The following VSTM4 variants were observed in gnomAD, a reference collection of about 807,000 sequenced individuals.
VSTM4 encodes V-set and transmembrane domain containing 4.
In VSTM4, 20 loss-of-function variants were observed where a neutral mutation model predicts 36.4. The observed-to-expected ratio is 0.55, with a 90% CI of 0.39 to 0.80. VSTM4 has a LOEUF of 0.80. Ranked by LOEUF, VSTM4 falls within the 30% of genes least tolerant of loss-of-function variation. The pLI is 0.00. For synonymous variants in VSTM4, 182 were observed against 173.9 expected (o/e 1.05, Z -0.37); for missense variants, 392 against 404.5 (o/e 0.97, Z 0.26).
chr10:49,059,244 A>C (rs1308772868), intron 5 of VSTM4, among the ~76,000 whole-genome samples: 2 of 152,230 alleles, frequency 1.3e-5, no homozygotes, highest in Non-Finnish European at 1.5e-5. Flanking sequence ...GAGTAAATGC[A>C]GGCTTTCTAG....
intron 5 of VSTM4, 186 bp downstream of exon 5, chr10:49,064,517 G>A (rs1408062813): frequency 2.4e-5 from 16 of 670,454 alleles, no homozygotes; most frequent in Non-Finnish European, 3.7e-5. Flanking sequence ...ATCCCTGGGG[G>A]TGAAAACCAG....
chr10:49,081,994 C>T (rs546098664), intron 3 of VSTM4, among the ~76,000 whole-genome samples: 75 of 152,296 alleles, frequency 4.9e-4, no homozygotes, highest in African/African-American at 1.8e-3. Context: ...CCTGCTGTGT[C>T]CACTCAAAAC....
chr10:49,032,527 C>T (rs549135313), intron 7 of VSTM4, among the ~76,000 whole-genome samples: 2 of 152,250 alleles, frequency 1.3e-5, no homozygotes, highest in Admixed American at 6.5e-5. Flanking sequence ...GAGAGAGGCT[C>T]GAGGATGCTG....
intron 7 of VSTM4, among the ~76,000 whole-genome samples, chr10:49,041,306 G>A (rs565326740): frequency 1.3e-5 from 2 of 152,250 alleles, no homozygotes; most frequent in East Asian, 3.9e-4. Context: ...AATTGACCTT[G>A]CTTCTGGAAA....
intron 2 of VSTM4, chr10:49,103,780 C>T (rs150667147): frequency 1.8e-5 from 29 of 1,613,842 alleles, no homozygotes; most frequent in East Asian, 1.8e-4. Flanking sequence ...GTTAAGTCTG[C>T]GGTGAAGGGC....
chr10:49,057,669 C>A (rs894142233), intron 5 of VSTM4, among the ~76,000 whole-genome samples: 24 of 152,140 alleles, frequency 1.6e-4, no homozygotes. Flanking sequence ...TGCTTGGATG[C>A]GGTGGGGACA....
chr10:49,077,345 C>T lies in VSTM4; in HGVS notation c.527-19G>A, dbSNP rs761577583. ...TAGAGATCTGAAAGGCAAGGACAGA[C>T]ACGTGAGTCAGCCTTCTGGGGGCCG... On this transcript the variant is annotated intron_variant, in intron 3 of 7. Transcript: ENST00000332853. The T allele has an allele frequency of 3.1e-6, 5 of 1,613,030 alleles. No homozygotes were observed. In the South Asian group the frequency reaches 5.5e-5, roughly 18 times the overall value.
intron 7 of VSTM4, among the ~76,000 whole-genome samples, chr10:49,043,280 G>A (rs2131954591): frequency 6.6e-6 from 1 of 152,250 alleles, no homozygotes; most frequent in East Asian, 1.9e-4. Flanking sequence ...TTGCTATATT[G>A]ATTACATGAT....
Position 49,077,287 on chromosome 10 carries a change from A to G in VSTM4, c.566T>C (p.Ile189Thr), listed in dbSNP as rs754601879. ...VYAVLVCCVG[I>T]LSILLFMLVI... ...CAGCATGAAGAGCAGAATGCTGAGG[A>G]TCCCCACGCAGCACACGAGGACAGC... The change falls in exon 4 of 8, where the codon ATC becomes ACC. Residue 189 changes from isoleucine to threonine, a missense_variant. Physicochemically the swap from Ile to Thr is moderately conservative, Grantham distance 89. Coordinates refer to ENST00000332853, the MANE Select transcript of VSTM4 (RefSeq NM_001031746.5). The G allele has an allele frequency of 1.4e-5, 23 of 1,614,100 alleles. No individual in the cohort carries two copies.
chr10:49,016,575 TC>T lies in VSTM4; in HGVS notation c.*3074del, dbSNP rs1391966419. Reference sequence around the variant, plus strand: ...TGTGATGAGCAGGGCCATGAATAATTCCCAAAGCGAGGGGGTCTTTGGGCTC... The same window carrying T: ...TGTGATGAGCAGGGCCATGAATAATTCCAAAGCGAGGGGGTCTTTGGGCTC... On this transcript the variant is annotated 3_prime_UTR_variant, in exon 8 of 8. Transcript: ENST00000332853. 2.0e-5 allele frequency: 3 copies of T among 152,202 alleles called. No homozygotes were observed. The highest frequency in any genetic ancestry group is 7.2e-5 in the African/African-American group (3 of 41,438). 9.4% of individuals were successfully genotyped at this position (152,202 alleles called of 1,614,324 possible).
chr10:49,069,011 A>G (rs1274892662), intron 4 of VSTM4, among the ~76,000 whole-genome samples: 1 of 152,006 alleles, frequency 6.6e-6, no homozygotes, highest in Non-Finnish European at 1.5e-5. Flanking sequence ...GCCCTGGGCC[A>G]CTCCCTACCA....
At chr10:49,070,682 C>T (rs1034743036) in intron 4 of VSTM4, among the ~76,000 whole-genome samples, 1 of 152,218 alleles carries the variant, frequency 6.6e-6, no homozygotes, top group African/African-American at 2.4e-5. Flanking sequence ...AGAAGACCCA[C>T]TTTATAAATA....
At chr10:49,110,444 T>A (rs1844872670) in intron 1 of VSTM4, among the ~76,000 whole-genome samples, 1 of 152,052 alleles carries the variant, frequency 6.6e-6, no homozygotes. Flanking sequence ...TAGGCGCACC[T>A]CCCTGCCTTC....
chr10:49,037,206 C>T (rs1018551218), intron 7 of VSTM4, among the ~76,000 whole-genome samples: 1 of 152,226 alleles, frequency 6.6e-6, no homozygotes, highest in Admixed American at 6.5e-5. Flanking sequence ...AAAGCAGAGT[C>T]CTCTCTGGAG....
At position 49,071,910 on chromosome 10, in the gene VSTM4, C is replaced by G. The variant is rs563690887; in HGVS notation, c.634+5309G>C. On this transcript the variant is annotated intron_variant, in intron 4 of 7. Transcript: ENST00000332853. ...GCATAGAGAGACTGGAAACCATGAA[C>G]AGAACAAGGGCCTGTATCTTCCTCA... Among the ~76,000 whole-genome samples the G allele has an allele frequency of 1.0e-3, 158 of 152,322 alleles. 1 individual carries two copies. Among genetic ancestry groups the G allele is most frequent in the African/African-American group, 3.4e-3 (142 of 41,568 alleles).
chr10:49,036,478 T>A (rs1843433394), intron 7 of VSTM4, among the ~76,000 whole-genome samples: 1 of 152,232 alleles, frequency 6.6e-6, no homozygotes, highest in South Asian at 2.1e-4. Context: ...ATCCTTTTCA[T>A]GTAAAATTTA....
In VSTM4 at chr10:49,105,125, AAGACAGAGAG is replaced by A. The variant is rs1184247650; in HGVS notation, c.457+2459_457+2468del. Among the ~76,000 whole-genome samples the A allele has an allele frequency of 6.5e-5, 9 of 137,580 alleles. No homozygotes were observed. In the East Asian group the frequency reaches 9.8e-4, roughly 15 times the overall value. 90.3% of individuals were successfully genotyped at this position (137,580 alleles called of 152,430 possible). The stretch of plus-strand genomic sequence containing the variant: ...GGAGAGAGAGACAGAGAGAGATGGA[AAGACAGAGAG>A]AGACAGAGAGAGACCAAAAGACAAA... On this transcript the variant is annotated intron_variant, in intron 2 of 7. Coordinates refer to ENST00000332853, the MANE Select transcript of VSTM4 (RefSeq NM_001031746.5).
At chr10:49,092,566 T>C (rs540459550) in intron 2 of VSTM4, among the ~76,000 whole-genome samples, 75 of 151,476 alleles carry the variant, frequency 5.0e-4, no homozygotes, top group African/African-American at 1.8e-3. Context: ...AAGAGAAGAG[T>C]ATGGTCCCTT....
intron 5 of VSTM4, among the ~76,000 whole-genome samples, chr10:49,051,903 ATAT>A (rs1843704332): frequency 6.6e-6 from 1 of 152,020 alleles, no homozygotes; most frequent in Non-Finnish European, 1.5e-5. Flanking sequence ...TTTTTAAATC[ATAT>A]TATATTATAA....
Sources: allele counts gnomAD v4.1 joint callset (sites outside exome capture counted in the v4.1 genomes callset), GRCh38; gene constraint gnomAD v4.1.1; transcripts MANE v1.5; gene names NCBI Gene and HGNC (gene_info 2026-07-23, HGNC 2026-07-21).